Variants in GRIK4 observed in about 807,000 individuals in gnomAD.
GRIK4 encodes the protein glutamate ionotropic receptor kainate type subunit 4.
A neutral mutation model predicts 104.9 loss-of-function variants in GRIK4; 40 were observed. The observed-to-expected ratio is 0.38, with a 90% CI of 0.30 to 0.50. GRIK4 has a LOEUF of 0.50. GRIK4 is among the 20% of genes least tolerant of loss of function. GRIK4 has a pLI of 0.93. For missense variants in GRIK4, 1,047 were observed against 1,308.1 expected, an observed-to-expected ratio of 0.80 and a Z score of 3.08; for synonymous variants, 485 against 524.9, an observed-to-expected ratio of 0.92 and a Z score of 1.04.
rs1206027699 is a variant in GRIK4, at chr11:120,905,924, T to A, written c.1476+431T>A. 6.6e-6 allele frequency among the ~76,000 whole-genome samples: 1 copy of A among 152,192 alleles called. No individual in the cohort carries two copies. Among genetic ancestry groups the A allele is most frequent in the Non-Finnish European group, 1.5e-5 (1 of 68,032 alleles). On this transcript the variant is annotated intron_variant, in intron 13 of 20. Coordinates refer to ENST00000527524, the MANE Select transcript of GRIK4 (RefSeq NM_014619.5). The surrounding 1 kb of genome is among the most constrained non-coding windows in gnomAD (Gnocchi z 5.1). Reference sequence around the variant, plus strand: ...CACTGCCAAGGGAGACGTGGCTAAATAACAGGGCAAAGGGATTGACTGGCA... The same window carrying A: ...CACTGCCAAGGGAGACGTGGCTAAAAAACAGGGCAAAGGGATTGACTGGCA...
chr11:120,565,416 A>T (rs1948309424), intron 1 of GRIK4, among the ~76,000 whole-genome samples: 1 of 152,250 alleles, frequency 6.6e-6, no homozygotes, highest in Non-Finnish European at 1.5e-5. Flanking sequence ...AACTGCAGGG[A>T]AAACGATAAA....
At chr11:120,979,907 A>G (rs984145059) in intron 19 of GRIK4, among the ~76,000 whole-genome samples, 3 of 152,174 alleles carry the variant, frequency 2.0e-5, no homozygotes, top group African/African-American at 7.2e-5. Context: ...ATGTCGGATC[A>G]AGTGGCAGCC....
At chr11:120,924,422 T>A (rs981723259) in intron 13 of GRIK4, among the ~76,000 whole-genome samples, 1 of 151,856 alleles carries the variant, frequency 6.6e-6, no homozygotes, top group Non-Finnish European at 1.5e-5. Context: ...TCACTTAACT[T>A]AAAAAAATAT....
intron 13 of GRIK4, among the ~76,000 whole-genome samples, chr11:120,917,989 A>G (rs1206411304): frequency 6.6e-6 from 1 of 152,238 alleles, no homozygotes; most frequent in Non-Finnish European, 1.5e-5. Context: ...GATTTGGGTC[A>G]GAGACAGGAA....
intron 12 of GRIK4, among the ~76,000 whole-genome samples, chr11:120,899,418 CAAA>C (rs57401981): frequency 2.4e-4 from 17 of 71,832 alleles, no homozygotes; most frequent in African/African-American, 5.0e-4. Context: ...GAGACTGTCT[CAAA>C]AAAAAAAAAA....
intron 3 of GRIK4, among the ~76,000 whole-genome samples, chr11:120,705,747 A>G (rs948189955): frequency 6.6e-6 from 1 of 152,056 alleles, no homozygotes; most frequent in East Asian, 1.9e-4. Context: ...ATTTATTCCT[A>G]GGTATTTTGT....
rs116721591 is a variant in GRIK4, at chr11:120,705,813, C to T, written c.82+45413C>T. On this transcript the variant is annotated intron_variant, in intron 3 of 20. Transcript: ENST00000527524. ...TTCTTAATTTCTTTTTCAGATTGTC[C>T]GTTGCTGGTATCTAGAAACTCAACT... Among the ~76,000 whole-genome samples, 548 of 152,172 alleles carry T rather than the reference C, an allele frequency of 3.6e-3. 3 individuals carry two copies. Among genetic ancestry groups the T allele is most frequent in the African/African-American group, 0.012 (490 of 41,502 alleles).
chr11:120,581,619 T>C (rs949414697), intron 1 of GRIK4, among the ~76,000 whole-genome samples: 10 of 152,196 alleles, frequency 6.6e-5, no homozygotes, highest in Non-Finnish European at 1.0e-4. Flanking sequence ...CTCTGTGAAT[T>C]TGACTACTCT....
chr11:120,586,299 T>G (rs1179866665), intron 1 of GRIK4, among the ~76,000 whole-genome samples: 2 of 151,792 alleles, frequency 1.3e-5, no homozygotes, highest in Non-Finnish European at 1.5e-5. Context: ...ATGCAAAGGT[T>G]TAGGGGCATG....
intron 3 of GRIK4, among the ~76,000 whole-genome samples, chr11:120,727,345 G>A (rs61901402): frequency 0.12 from 18,260 of 152,160 alleles, 1,437 homozygotes; most frequent in Middle Eastern, 0.19. Context: ...CCAGATAAAA[G>A]TTGGGGAGGG....
At chr11:120,535,900 G>C (rs1467752497) in intron 1 of GRIK4, among the ~76,000 whole-genome samples, 1 of 152,162 alleles carries the variant, frequency 6.6e-6, no homozygotes, top group Non-Finnish European at 1.5e-5. Context: ...CTTTTCCAGG[G>C]TAGGTATACA....
intron 11 of GRIK4, among the ~76,000 whole-genome samples, chr11:120,882,097 GC>G (rs1345792030): frequency 6.6e-6 from 1 of 152,116 alleles, no homozygotes; most frequent in African/African-American, 2.4e-5. Context: ...ATAGTGAGGG[GC>G]ATTTCATGCT....
At chr11:120,755,469 C>A (rs904746119) in intron 3 of GRIK4, among the ~76,000 whole-genome samples, 1 of 151,814 alleles carries the variant, frequency 6.6e-6, no homozygotes, top group Non-Finnish European at 1.5e-5. Flanking sequence ...AATAAAATAG[C>A]CAGTCATGGC....
chr11:120,581,907 C>G (rs1024298588), intron 1 of GRIK4, among the ~76,000 whole-genome samples: 1 of 151,812 alleles, frequency 6.6e-6, no homozygotes, highest in Non-Finnish European at 1.5e-5. Context: ...CCCGGGTTCA[C>G]GCCATTCTTC....
chr11:120,874,015 T>C (rs1954689258), intron 9 of GRIK4, 51 bp from the exon 10 acceptor site: 2 of 1,529,306 alleles, frequency 1.3e-6, no homozygotes, highest in African/African-American at 1.4e-5. Context: ...CTCCCTTTCT[T>C]CCTCTACACC....
intron 9 of GRIK4, chr11:120,871,901 G>A: frequency 4.4e-6 from 2 of 456,282 alleles, no homozygotes; most frequent in South Asian, 3.1e-5. Context: ...TGACTGTTTT[G>A]CTCTGTAATT....
At chr11:120,796,239 G>A (rs1952512614) in intron 3 of GRIK4, among the ~76,000 whole-genome samples, 1 of 152,042 alleles carries the variant, frequency 6.6e-6, no homozygotes, top group Non-Finnish European at 1.5e-5. Context: ...GTTTCACCAT[G>A]TTAGCCAAGA....
intron 1 of GRIK4, among the ~76,000 whole-genome samples, chr11:120,605,754 G>A (rs989941052): frequency 6.6e-6 from 1 of 152,256 alleles, no homozygotes; most frequent in African/African-American, 2.4e-5. Context: ...ACAGAGCGTG[G>A]AGAGGTGGCA....
At position 120,660,451 on chromosome 11, in the gene GRIK4, C is replaced by G. The variant is rs780766871; in HGVS notation, c.82+51C>G. The G allele has an allele frequency of 2.2e-6, 3 of 1,359,376 alleles. No individual in the cohort carries two copies. The South Asian group carries it at 3.5e-5, about 16-fold the overall frequency. The allele number at this position is 1,359,376 out of a possible 1,614,324, so 84.2% of individuals were successfully genotyped here. ...TGCCCCCACCCACTATCCCAGGTGT[C>G]CACAAGGGACATGAGAGTGCTGCAC... is the stretch of plus-strand genomic sequence containing the variant. On this transcript the variant is annotated intron_variant, in intron 3 of 20. Coordinates refer to ENST00000527524, the MANE Select transcript of GRIK4 (RefSeq NM_014619.5).
Sources: allele counts gnomAD v4.1 joint callset (sites outside exome capture counted in the v4.1 genomes callset), GRCh38; gene constraint gnomAD v4.1.1; non-coding constraint Gnocchi (gnomAD v3.1); transcripts MANE v1.5; gene names NCBI Gene and HGNC (gene_info 2026-07-23, HGNC 2026-07-21).